Variants in EVC observed in about 807,000 individuals in gnomAD.
EVC encodes evC complex member EVC.
Under a neutral mutation model 118.9 loss-of-function variants are expected in EVC, and 116 were observed. The ratio of observed to expected loss-of-function variants is 0.98; its 90% CI spans 0.84 to 1.14. The LOEUF is 1.14. EVC is among the 50% of genes most tolerant of loss of function. The pLI is 0.00. For synonymous variants in EVC, 619 were observed against 534.7 expected, an observed-to-expected ratio of 1.16 and a Z score of -2.18; for missense variants, 1,401 against 1,246.4, an observed-to-expected ratio of 1.12 and a Z score of -1.87.
At chr4:5,722,208 C>G (rs866751439) in intron 2 of EVC, among the ~76,000 whole-genome samples, 2 of 152,130 alleles carry the variant, frequency 1.3e-5, no homozygotes, top group African/African-American at 4.8e-5. Context: ...TGAGTTAATG[C>G]GTGTGAACGT....
chr4:5,805,907 T>TTTTG (rs386399134), intron 17 of EVC, among the ~76,000 whole-genome samples: 1 of 150,542 alleles, frequency 6.6e-6, no homozygotes, highest in Non-Finnish European at 1.5e-5. Context: ...TTTTTTTTTT[T>TTTTG]TTGAAGGAGT....
chr4:5,816,384 G>A (rs373911490), downstream of EVC, among the ~76,000 whole-genome samples: 2 of 152,182 alleles, frequency 1.3e-5, no homozygotes, highest in African/African-American at 4.8e-5. Flanking sequence ...GAGCATGGAG[G>A]CCACACTTCC....
chr4:5,822,293 T>C, the EVC span, among the ~76,000 whole-genome samples: 12,093 of 152,250 alleles, frequency 0.079, 667 homozygotes, highest in Non-Finnish European at 0.12. Flanking sequence ...GACACAGGTG[T>C]TGGGTGGGGA....
At chr4:5,808,139 C>CCA in intron 17 of EVC, 62 bp from the exon 18 acceptor site, 2 of 547,146 alleles carry the variant, frequency 3.7e-6, no homozygotes, top group East Asian at 3.8e-5. Flanking sequence ...TTCTCCCTCC[C>CCA]TCCCTCCCTC....
chr4:5,825,802 C>A, the EVC span: 1 of 754,272 alleles, frequency 1.3e-6, no homozygotes, highest in Non-Finnish European at 2.1e-6. The surrounding 1 kb of genome is among the most constrained non-coding windows in gnomAD (Gnocchi z 4.4). Context: ...CACGCACACA[C>A]GACAGGTGCA....
Position 5,748,257 on chromosome 4 carries a change from T to C in EVC, c.1049T>C (p.Met350Thr), listed in dbSNP as rs1226015091. The change falls in exon 8 of 21, where the codon ATG becomes ACG. Residue 350 changes from methionine (M) to threonine (T), a missense_variant. Transcript: ENST00000264956. Reference protein sequence around the residue: ...RQLMMTLTERMIAAEGLLCDS... With the variant: ...RQLMMTLTERTIAAEGLLCDS... Reference sequence around the variant, plus strand: ...CTGATGATGACTCTGACGGAAAGAATGATTGCAGCCGAAGGGCTATTGTGC... The same window carrying C: ...CTGATGATGACTCTGACGGAAAGAACGATTGCAGCCGAAGGGCTATTGTGC... The C allele has an allele frequency of 1.9e-6, 3 of 1,613,980 alleles. No homozygotes were observed. In the East Asian group the frequency reaches 6.7e-5, roughly 36 times the overall value.
At position 5,731,792 on chromosome 4, in the gene EVC, G is replaced by A. The variant is rs111772993; in HGVS notation, c.617+135G>A. 7.8e-3 allele frequency: 6,877 copies of A among 877,172 alleles called. 93 individuals are homozygous for A. Among genetic ancestry groups the A allele is most frequent in the African/African-American group, 0.032 (1,904 of 60,222 alleles). 54.3% of individuals were successfully genotyped at this position (877,172 alleles called of 1,614,324 possible). On this transcript the variant is annotated intron_variant, in intron 4 of 20. Coordinates refer to ENST00000264956, the MANE Select transcript of EVC (RefSeq NM_153717.3). This position sits in a 1 kb window ranked among gnomAD's most constrained non-coding sequence, Gnocchi z 5.6. ...TGCCAGGGACACACAGCGACCCAGC[G>A]TCACCATCGGAGCCCCAGAGGCCTT...
rs2276874 is a variant in EVC at position 5,711,585 on chromosome 4, G to C, written c.174+31G>C. 0.13 allele frequency: 150,573 copies of C among 1,167,424 alleles called. 10,540 individuals are homozygous for C. Among genetic ancestry groups the C allele is most frequent in the East Asian group, 0.25 (6,530 of 26,452 alleles). 72.3% of individuals were successfully genotyped at this position (1,167,424 alleles called of 1,614,324 possible). ...TCGGCCGAGCAGACAGCGGCGGGGCGGGGAGCGCGGGGCGCGTGGCTTCTG... is the reference window on the plus strand; with the variant it reads ...TCGGCCGAGCAGACAGCGGCGGGGCCGGGAGCGCGGGGCGCGTGGCTTCTG... On this transcript the variant is annotated intron_variant, in intron 1 of 20. Coordinates refer to ENST00000264956, the MANE Select transcript of EVC (RefSeq NM_153717.3).
In EVC at chr4:5,753,050, G is replaced by T. The variant is rs373718642; in HGVS notation, c.1313G>T (p.Arg438Leu). Residue 438 changes from arginine (R) to leucine (L), a missense_variant and splice_region_variant, in exon 9 of 21, where the codon CGG becomes CTG. Arg to Leu is a moderately radical substitution (Grantham distance 102). Coordinates refer to ENST00000264956, the MANE Select transcript of EVC (RefSeq NM_153717.3). ...TGGCAGGAGGCAGAGCGCTTCAGCC[G>T]GGGTGAGCCGTGGGCATGGGTGCCG... is the stretch of plus-strand genomic sequence containing the variant. ...AFWQEAERFSREFVQRGKDLV... is the reference protein window; with the variant it reads ...AFWQEAERFSLEFVQRGKDLV... 6.3e-7 allele frequency: 1 copy of T among 1,588,128 alleles called. No individual in the cohort carries two copies. The highest frequency in any genetic ancestry group is 2.3e-5 in the East Asian group (1 of 43,806).
chr4:5,760,281 T>A (rs1373056721), intron 11 of EVC, among the ~76,000 whole-genome samples: 1 of 152,072 alleles, frequency 6.6e-6, no homozygotes, highest in East Asian at 1.9e-4. Context: ...TAAAGAGTTG[T>A]CAATGATGCC....
At chr4:5,807,214 C>T (rs896432609) in intron 17 of EVC, among the ~76,000 whole-genome samples, 2 of 152,052 alleles carry the variant, frequency 1.3e-5, no homozygotes, top group Non-Finnish European at 2.9e-5. Context: ...ACCTGGCAGG[C>T]CAGAGATACT....
chr4:5,792,638 T>G (rs544546731), intron 12 of EVC, among the ~76,000 whole-genome samples: 1 of 152,340 alleles, frequency 6.6e-6, no homozygotes, highest in South Asian at 2.1e-4. Flanking sequence ...TCGAATTTTA[T>G]GCACCATATT....
At chr4:5,823,343 C>A in the EVC span, among the ~76,000 whole-genome samples, 13,000 of 152,258 alleles carry the variant, frequency 0.085, 794 homozygotes, top group African/African-American at 0.17. Flanking sequence ...ATACAAGTCT[C>A]CCCTAAAGGC....
At chr4:5,779,183 CTGTTCCA>C (rs1167947244) in intron 11 of EVC, among the ~76,000 whole-genome samples, 4 of 151,326 alleles carry the variant, frequency 2.6e-5, no homozygotes. Context: ...GGGCTCTGTT[CTGTTCCA>C]TTGATCTATA....
chr4:5,731,772 G>T lies in EVC; in HGVS notation c.617+115G>T. On this transcript the variant is annotated intron_variant, in intron 4 of 20. Coordinates refer to ENST00000264956, the MANE Select transcript of EVC (RefSeq NM_153717.3). The surrounding 1 kb of genome is among the most constrained non-coding windows in gnomAD (Gnocchi z 5.6). Reference sequence around the variant, plus strand: ...CCAGAGAGGTTCAGTGACTCTGCCAGGGACACACAGCGACCCAGCGTCACC... The same window carrying T: ...CCAGAGAGGTTCAGTGACTCTGCCATGGACACACAGCGACCCAGCGTCACC... The T allele has an allele frequency of 9.5e-7, 1 of 1,052,752 alleles. No homozygotes were observed. The highest frequency in any genetic ancestry group is 1.4e-5 in the South Asian group (1 of 73,622). The allele number at this position is 1,052,752 out of a possible 1,614,324, so 65.2% of individuals were successfully genotyped here. A position where few individuals can be genotyped will look rare whatever the true frequency, so the allele number is the denominator to read the frequency against.
intron 2 of EVC, among the ~76,000 whole-genome samples, chr4:5,726,732 C>G (rs752048601): frequency 8.0e-6 from 1 of 124,232 alleles, no homozygotes; most frequent in Non-Finnish European, 1.6e-5. Context: ...TCCCCCCACC[C>G]GACAACAGTC....
chr4:5,770,680 A>G (rs781371037), intron 11 of EVC, among the ~76,000 whole-genome samples: 1 of 152,202 alleles, frequency 6.6e-6, no homozygotes, highest in Non-Finnish European at 1.5e-5. Flanking sequence ...CAATCAGTCA[A>G]TATTGATGAA....
intron 11 of EVC, among the ~76,000 whole-genome samples, chr4:5,772,516 G>C (rs184826933): frequency 6.6e-6 from 1 of 152,114 alleles, no homozygotes; most frequent in East Asian, 1.9e-4. Context: ...ACCCCAGAAT[G>C]CCTCCTGTTG....
intron 1 of EVC, among the ~76,000 whole-genome samples, chr4:5,718,668 A>G (rs1724392974): frequency 6.6e-6 from 1 of 152,222 alleles, no homozygotes; most frequent in Non-Finnish European, 1.5e-5. Flanking sequence ...ATTTGTGAAT[A>G]ACTGTAAAAG....
Sources: gnomAD v4.1 joint callset for allele counts (sites outside exome capture counted in the v4.1 genomes callset) on GRCh38, gnomAD v4.1.1 for gene constraint, Gnocchi (gnomAD v3.1) non-coding constraint, MANE v1.5 for transcripts, NCBI Gene and HGNC (gene_info 2026-07-23, HGNC 2026-07-21) for gene names.